Variants in ANKMY2 observed in about 807,000 individuals in gnomAD.
ANKMY2 encodes ankyrin repeat and MYND domain-containing protein 2.
Under a neutral mutation model 50.4 loss-of-function variants are expected in ANKMY2, and 36 were observed. The observed-to-expected ratio is 0.71, with a 90% CI of 0.55 to 0.94. The LOEUF (loss-of-function observed/expected upper bound fraction) is 0.94. Among genes scored for constraint, ANKMY2 ranks in the 40% least tolerant of loss-of-function variants. The pLI, the probability that ANKMY2 is intolerant of heterozygous loss-of-function variation, is 0.00. For synonymous variants in ANKMY2, 187 were observed against 178.8 expected (o/e 1.05, Z -0.36); for missense variants, 565 against 524.0 (o/e 1.08, Z -0.76).
Position 16,615,842 on chromosome 7 carries a change from T to A in ANKMY2, c.433A>T (p.Thr145Ser), listed in dbSNP as rs750345828. 6.2e-7 allele frequency: 1 copy of A among 1,614,216 alleles called. No individual in the cohort carries two copies. The change falls in exon 5 of 10, where the codon ACT becomes TCT. Residue 145 changes from threonine to serine, a missense_variant. By Grantham distance (58) the Thr-to-Ser change is moderately conservative. Transcript: ENST00000306999. The part of the protein sequence containing the change: ...FFPRERLDYY[T>S]KPQGLDKEPK... Reference sequence around the variant, plus strand: ...TCTTTATCCAGTCCCTGGGGCTTAGTGTAATAATCCAGTCTCTCTCGAGGA... The same window carrying A: ...TCTTTATCCAGTCCCTGGGGCTTAGAGTAATAATCCAGTCTCTCTCGAGGA...
intron 3 of ANKMY2, 41 bp downstream of exon 3, chr7:16,626,998 GT>G (rs1781515166): frequency 1.3e-6 from 2 of 1,490,994 alleles, no homozygotes; most frequent in Non-Finnish European, 1.8e-6. Context: ...CTTATAACAA[GT>G]TTGTATAGGT....
In ANKMY2 at chr7:16,636,449, A is replaced by G; in HGVS notation, c.74T>C (p.Val25Ala). The G allele has an allele frequency of 6.3e-7, 1 of 1,583,266 alleles. No homozygotes were observed. The highest frequency in any genetic ancestry group is 8.6e-7 in the Non-Finnish European group (1 of 1,165,686). Residue 25 changes from valine (V) to alanine (A), a missense_variant, in exon 2 of 10, where the codon GTC becomes GCC. Transcript: ENST00000306999. ...ELLEVIGKGT[V>A]QEAGTLLSSK... The stretch of plus-strand genomic sequence containing the variant: ...GGATAATAATGTTCCAGCTTCTTGG[A>G]CAGTACCTAAAAAAAAAAAAAAGAT...
intron 2 of ANKMY2, among the ~76,000 whole-genome samples, chr7:16,629,461 G>C (rs1373524008): frequency 6.6e-6 from 1 of 152,102 alleles, no homozygotes; most frequent in African/African-American, 2.4e-5. Flanking sequence ...ACTTGAACCT[G>C]GGAGGTGGAG....
At chr7:16,621,130 T>A (rs999517262) in intron 4 of ANKMY2, among the ~76,000 whole-genome samples, 8 of 151,988 alleles carry the variant, frequency 5.3e-5, no homozygotes, top group Non-Finnish European at 1.2e-4. Flanking sequence ...AAGAAAAAAA[T>A]ACAGAAATCA....
intron 7 of ANKMY2, among the ~76,000 whole-genome samples, chr7:16,606,324 G>C (rs1249283189): frequency 1.3e-5 from 2 of 152,052 alleles, no homozygotes; most frequent in African/African-American, 4.8e-5. Flanking sequence ...AGCTACTTGG[G>C]AGGCTGAGGC....
intron 1 of ANKMY2, among the ~76,000 whole-genome samples, chr7:16,644,418 C>T (rs1781788186): frequency 6.6e-6 from 1 of 152,160 alleles, no homozygotes; most frequent in Non-Finnish European, 1.5e-5. Flanking sequence ...AATTTTTTCT[C>T]CTTCGCATGT....
At position 16,619,400 on chromosome 7, in the gene ANKMY2, C is replaced by T. The variant is rs533411261; in HGVS notation, c.371-3496G>A. Among the ~76,000 whole-genome samples, 63 of 152,196 alleles carry T rather than the reference C, an allele frequency of 4.1e-4. 1 individual carries two copies. The South Asian group carries it at 0.012, about 30-fold the overall frequency. On this transcript the variant is annotated intron_variant, in intron 4 of 9. Coordinates refer to ENST00000306999, the MANE Select transcript of ANKMY2 (RefSeq NM_020319.3). The stretch of plus-strand genomic sequence containing the variant: ...AACTCCCAACCTCAGGTGATCCGCC[C>T]GCCTTGGCCTCCCAAAGTGCTGGGA...
chr7:16,632,024 TA>T (rs1259811991), intron 2 of ANKMY2, among the ~76,000 whole-genome samples: 4 of 152,312 alleles, frequency 2.6e-5, no homozygotes, highest in Admixed American at 2.6e-4. Flanking sequence ...CAATCTTCTT[TA>T]TAATTGCAGT....
intron 5 of ANKMY2, among the ~76,000 whole-genome samples, chr7:16,611,320 T>G (rs1781246624): frequency 6.6e-6 from 1 of 152,194 alleles, no homozygotes; most frequent in Admixed American, 6.5e-5. Flanking sequence ...CTTCCAATCA[T>G]CTACAGTAAT....
intron 2 of ANKMY2, among the ~76,000 whole-genome samples, chr7:16,632,260 A>G (rs1781600088): frequency 1.3e-5 from 2 of 152,148 alleles, no homozygotes; most frequent in Admixed American, 1.3e-4. Flanking sequence ...CAATTCATAT[A>G]GCATACAATT....
chr7:16,634,606 T>C (rs1781631401), intron 2 of ANKMY2, among the ~76,000 whole-genome samples: 1 of 152,126 alleles, frequency 6.6e-6, no homozygotes, highest in Non-Finnish European at 1.5e-5. Context: ...ATGTGGAAAC[T>C]ACCCAAGCCT....
chr7:16,641,768 T>C (rs966385285), intron 1 of ANKMY2, among the ~76,000 whole-genome samples: 2 of 152,196 alleles, frequency 1.3e-5, no homozygotes, highest in Admixed American at 1.3e-4. Context: ...ATCATAATGT[T>C]GAATGAAAGA....
At chr7:16,634,541 A>T (rs1362755220) in intron 2 of ANKMY2, among the ~76,000 whole-genome samples, 2 of 152,162 alleles carry the variant, frequency 1.3e-5, no homozygotes, top group Non-Finnish European at 2.9e-5. Context: ...AATTCTAAAG[A>T]TCTGCAGAGG....
intron 7 of ANKMY2, among the ~76,000 whole-genome samples, chr7:16,608,989 A>T (rs1335074879): frequency 6.6e-6 from 1 of 152,248 alleles, no homozygotes; most frequent in African/African-American, 2.4e-5. Context: ...CGACAGAAAC[A>T]GACTCTGTCG....
chr7:16,624,978 C>T lies in ANKMY2; in HGVS notation c.370+5G>A. On this transcript the variant is annotated splice_donor_5th_base_variant and intron_variant, in intron 4 of 9. Transcript: ENST00000306999. ...ATCTAATGCAAAACTGCAGCAAAAT[C>T]TCACCCACAAAGGCTGCCATCTGAG... 6.2e-7 allele frequency: 1 copy of T among 1,612,624 alleles called. No homozygotes were observed. The highest frequency in any genetic ancestry group is 8.5e-7 in the Non-Finnish European group (1 of 1,179,294).
At chr7:16,614,185 G>A (rs1781304296) in intron 5 of ANKMY2, among the ~76,000 whole-genome samples, 1 of 152,316 alleles carries the variant, frequency 6.6e-6, no homozygotes, top group South Asian at 2.1e-4. Context: ...CATGGACAGA[G>A]GTCAATGCTT....
intron 7 of ANKMY2, among the ~76,000 whole-genome samples, chr7:16,607,994 C>G (rs977158072): frequency 1.3e-5 from 2 of 152,086 alleles, no homozygotes; most frequent in African/African-American, 4.8e-5. Context: ...CTCTTCCTGC[C>G]TGCCTGGGAT....
At chr7:16,635,039 T>C (rs1341949835) in intron 2 of ANKMY2, among the ~76,000 whole-genome samples, 3 of 152,160 alleles carry the variant, frequency 2.0e-5, no homozygotes, top group Middle Eastern at 3.4e-3. Flanking sequence ...AAAACAGATG[T>C]CCATACCAAC....
chr7:16,602,353 G>T (rs768267014), intron 9 of ANKMY2, 27 bp downstream of exon 9: 102 of 1,605,324 alleles, frequency 6.4e-5, no homozygotes, highest in Non-Finnish European at 7.8e-5. Flanking sequence ...CTAAAAAGCA[G>T]AGTGAACTCG....
Sources: gnomAD v4.1 joint callset for allele counts (sites outside exome capture counted in the v4.1 genomes callset) on GRCh38, gnomAD v4.1.1 for gene constraint, MANE v1.5 for transcripts, NCBI Gene and HGNC (gene_info 2026-07-23, HGNC 2026-07-21) for gene names.